Variants in GUCY1A2 observed in about 807,000 individuals in gnomAD.
GUCY1A2 encodes the protein guanylate cyclase soluble subunit alpha-2.
Under a neutral mutation model 63.5 loss-of-function variants are expected in GUCY1A2, and 27 were observed. The ratio of observed to expected loss-of-function variants is 0.43; its 90% CI spans 0.31 to 0.59. The LOEUF is 0.59. GUCY1A2 is among the 20% of genes least tolerant of loss of function. GUCY1A2 has a pLI of 0.11. For synonymous variants in GUCY1A2, 364 were observed against 343.5 expected (o/e 1.06, Z -0.66); for missense variants, 768 against 913.3 (o/e 0.84, Z 2.05).
intron 6 of GUCY1A2, among the ~76,000 whole-genome samples, chr11:106,756,118 T>C (rs1390479125): frequency 2.0e-5 from 3 of 152,200 alleles, no homozygotes; most frequent in Non-Finnish European, 2.9e-5. Flanking sequence ...TCTTTGTCTC[T>C]TTTGATCTTT....
At chr11:106,806,957 A>G (rs1176027929) in intron 5 of GUCY1A2, among the ~76,000 whole-genome samples, 2 of 152,194 alleles carry the variant, frequency 1.3e-5, no homozygotes, top group African/African-American at 4.8e-5. Flanking sequence ...TGACATGAAG[A>G]AGAGAGGGGC....
At chr11:106,934,513 C>A (rs1017615858) in intron 4 of GUCY1A2, among the ~76,000 whole-genome samples, 1 of 152,056 alleles carries the variant, frequency 6.6e-6, no homozygotes, top group Non-Finnish European at 1.5e-5. Context: ...CAATCATCGC[C>A]TCAGAAAAAG....
At chr11:106,716,556 C>T (rs1863217768) in intron 6 of GUCY1A2, among the ~76,000 whole-genome samples, 1 of 152,054 alleles carries the variant, frequency 6.6e-6, no homozygotes, top group Admixed American at 6.5e-5. Context: ...TGACGCCACC[C>T]CCAGGTCCAG....
intron 4 of GUCY1A2, among the ~76,000 whole-genome samples, chr11:106,823,038 G>C (rs910239137): frequency 3.9e-5 from 6 of 151,960 alleles, no homozygotes; most frequent in African/African-American, 9.7e-5. Flanking sequence ...AGATCAGAGA[G>C]AAGAAAATGA....
intron 4 of GUCY1A2, among the ~76,000 whole-genome samples, chr11:106,878,782 T>TAAAAAAAAAAAAAAA (rs372754272): frequency 7.2e-6 from 1 of 137,998 alleles, no homozygotes; most frequent in Non-Finnish European, 1.6e-5. Flanking sequence ...ACTTAAAAGT[T>TAAAAAAAAAAAAAAA]AAAAAAAAAA....
chr11:106,768,807 A>G (rs1591268509), intron 6 of GUCY1A2, among the ~76,000 whole-genome samples: 1 of 152,148 alleles, frequency 6.6e-6, no homozygotes, highest in African/African-American at 2.4e-5. Context: ...AAGGTAATGG[A>G]AAGGTTGAGA....
chr11:106,922,412 T>C (rs1413439076), intron 4 of GUCY1A2, among the ~76,000 whole-genome samples: 1 of 151,788 alleles, frequency 6.6e-6, no homozygotes, highest in Non-Finnish European at 1.5e-5. Flanking sequence ...TTCATGTCCT[T>C]AAGAAACTCA....
At chr11:106,772,172 C>A (rs1227311071) in intron 6 of GUCY1A2, among the ~76,000 whole-genome samples, 1 of 152,218 alleles carries the variant, frequency 6.6e-6, no homozygotes, top group Non-Finnish European at 1.5e-5. Context: ...TTGTATATGA[C>A]AATTTTGGCT....
At chr11:106,885,921 A>T (rs188944645) in intron 4 of GUCY1A2, among the ~76,000 whole-genome samples, 113 of 152,312 alleles carry the variant, frequency 7.4e-4, no homozygotes, top group Middle Eastern at 3.4e-3. Flanking sequence ...ACTTCTAAAA[A>T]TATGCTCACA....
At chr11:106,788,899 G>C (rs928176651) in intron 5 of GUCY1A2, among the ~76,000 whole-genome samples, 7 of 152,068 alleles carry the variant, frequency 4.6e-5, no homozygotes, top group Admixed American at 6.6e-5. Flanking sequence ...TTGTGATTCT[G>C]TATACATTTT....
At chr11:106,727,054 G>A (rs1435451188) in intron 6 of GUCY1A2, among the ~76,000 whole-genome samples, 1 of 152,198 alleles carries the variant, frequency 6.6e-6, no homozygotes, top group Non-Finnish European at 1.5e-5. Context: ...GAGCCAACAG[G>A]TTGGGACTGT....
Position 106,681,623 on chromosome 11 carries a change from C to G in GUCY1A2, c.*5926G>C, listed in dbSNP as rs1862435739. Reference sequence around the variant, plus strand: ...TGAGATAGATTAAACATGTCATTTGCCCGAATATTTTTAATCTGAGTCATT... The same window carrying G: ...TGAGATAGATTAAACATGTCATTTGGCCGAATATTTTTAATCTGAGTCATT... On this transcript the variant is annotated 3_prime_UTR_variant, in exon 8 of 8. Transcript: ENST00000526355. 1 of 222,326 alleles carries G rather than the reference C, an allele frequency of 4.5e-6. No individual in the cohort carries two copies. Among genetic ancestry groups the G allele is most frequent in the Non-Finnish European group, 9.0e-6 (1 of 111,350 alleles). The allele number at this position is 222,326 out of a possible 1,614,324, so 13.8% of individuals were successfully genotyped here.
chr11:106,961,835 A>C (rs1047818840), intron 3 of GUCY1A2, among the ~76,000 whole-genome samples: 17 of 152,176 alleles, frequency 1.1e-4, no homozygotes, highest in African/African-American at 3.9e-4. Flanking sequence ...GAAGTCAAAT[A>C]GATATTTGAG....
chr11:106,805,174 C>T (rs1001606573), intron 5 of GUCY1A2, among the ~76,000 whole-genome samples: 3 of 152,142 alleles, frequency 2.0e-5, no homozygotes, highest in Admixed American at 6.5e-5. Flanking sequence ...ATTTGCAAAC[C>T]ACACTTAGAG....
At chr11:106,687,791 G>A in intron 7 of GUCY1A2, 35 bp from the exon 8 acceptor site, 4 of 1,414,380 alleles carry the variant, frequency 2.8e-6, no homozygotes, top group Non-Finnish European at 4.0e-6. Flanking sequence ...GAATCAAGTA[G>A]GCCAGGGAAA....
At chr11:106,934,209 A>C (rs1383204985) in intron 4 of GUCY1A2, among the ~76,000 whole-genome samples, 4 of 152,228 alleles carry the variant, frequency 2.6e-5, no homozygotes, top group African/African-American at 4.8e-5. Context: ...GGTCTCATTC[A>C]TACTTACAAG....
At chr11:106,903,142 GCCA>G (rs1860157697) in intron 4 of GUCY1A2, among the ~76,000 whole-genome samples, 1 of 151,710 alleles carries the variant, frequency 6.6e-6, no homozygotes, top group Non-Finnish European at 1.5e-5. Flanking sequence ...TTTTAAAGAT[GCCA>G]CCAAAGTCCC....
At chr11:106,699,519 T>G (rs1862780378) in intron 7 of GUCY1A2, among the ~76,000 whole-genome samples, 3 of 152,178 alleles carry the variant, frequency 2.0e-5, no homozygotes. Flanking sequence ...TTAACAGATG[T>G]CTCCCATATA....
At chr11:106,877,316 C>G (rs1370896331) in intron 4 of GUCY1A2, among the ~76,000 whole-genome samples, 1 of 151,938 alleles carries the variant, frequency 6.6e-6, no homozygotes, top group Non-Finnish European at 1.5e-5. Flanking sequence ...CTTTATTTCT[C>G]TCTCTTGCCT....
Sources: allele counts gnomAD v4.1 joint callset (sites outside exome capture counted in the v4.1 genomes callset), GRCh38; gene constraint gnomAD v4.1.1; transcripts MANE v1.5; gene names NCBI Gene and HGNC (gene_info 2026-07-23, HGNC 2026-07-21).